The following LPIN2 variants were observed in gnomAD, a reference collection of about 807,000 sequenced individuals.
The protein encoded by LPIN2 is lipin 2.
In LPIN2, 55 loss-of-function variants were observed where a neutral mutation model predicts 111.4. The ratio of observed to expected loss-of-function variants is 0.49; its 90% confidence interval spans 0.40 to 0.62. The LOEUF (loss-of-function observed/expected upper bound fraction) is 0.62. Among genes scored for constraint, LPIN2 ranks in the 20% least tolerant of loss-of-function variants. The pLI is 0.00. For missense variants in LPIN2, 992 were observed against 1,112.1 expected (o/e 0.89, Z 1.54); for synonymous variants, 425 against 414.0 (o/e 1.03, Z -0.32).
chr18:3,003,540 A>G (rs984751500), intron 1 of LPIN2, among the ~76,000 whole-genome samples: 3 of 152,230 alleles, frequency 2.0e-5, no homozygotes, highest in Non-Finnish European at 2.9e-5. Context: ...TAATACCTTT[A>G]TAACTTCTTA....
intron 7 of LPIN2, among the ~76,000 whole-genome samples, chr18:2,937,482 T>G (rs1251029831): frequency 7.2e-6 from 1 of 139,732 alleles, no homozygotes; most frequent in Non-Finnish European, 1.5e-5. Context: ...GAGGCGGAAG[T>G]TGCAGTTAGC....
chr18:3,012,649 C>A (rs766741838), intron 1 of LPIN2, among the ~76,000 whole-genome samples: 2 of 152,172 alleles, frequency 1.3e-5, no homozygotes, highest in Non-Finnish European at 2.9e-5. Context: ...CCCGCAGGGC[C>A]GGGGGCGGGA....
intron 2 of LPIN2, among the ~76,000 whole-genome samples, chr18:2,958,553 A>ACTCTCACAGTTTTTCAGTTTTC (rs759115931): frequency 3.3e-5 from 5 of 152,114 alleles, no homozygotes; most frequent in Admixed American, 1.3e-4. Context: ...TTTCAGTTTT[A>ACTCTCACAGTTTTTCAGTTTTC]CTCTCACAGT....
chr18:2,978,306 T>G (rs760027883), intron 1 of LPIN2, among the ~76,000 whole-genome samples: 3 of 152,154 alleles, frequency 2.0e-5, no homozygotes, highest in Non-Finnish European at 4.4e-5. Flanking sequence ...AAATTTTAAC[T>G]CTATAGTAGA....
At chr18:2,927,535 G>A (rs2077152051) in intron 12 of LPIN2, among the ~76,000 whole-genome samples, 187 bp downstream of exon 12, 1 of 152,182 alleles carries the variant, frequency 6.6e-6, no homozygotes, top group South Asian at 2.1e-4. Flanking sequence ...CATCTCTAGT[G>A]CTGAGCTACA....
intron 7 of LPIN2, among the ~76,000 whole-genome samples, chr18:2,936,811 C>G (rs1458521244): frequency 6.6e-6 from 1 of 152,154 alleles, no homozygotes; most frequent in Non-Finnish European, 1.5e-5. Context: ...AAATCCTGAG[C>G]TCAAGTGATC....
intron 1 of LPIN2, among the ~76,000 whole-genome samples, chr18:2,977,398 ACTCT>A (rs1259642037): frequency 6.6e-6 from 1 of 152,038 alleles, no homozygotes; most frequent in Non-Finnish European, 1.5e-5. Context: ...AAATATCCTA[ACTCT>A]CTGTTAAGAG....
At chr18:3,003,315 T>C (rs556873325) in intron 1 of LPIN2, among the ~76,000 whole-genome samples, 1 of 152,284 alleles carries the variant, frequency 6.6e-6, no homozygotes, top group South Asian at 2.1e-4. Flanking sequence ...AATGATACAG[T>C]GAAGAAAGCA....
At chr18:2,991,108 C>T (rs2078258573) in intron 1 of LPIN2, 3 of 488,164 alleles carry the variant, frequency 6.1e-6, no homozygotes, top group Non-Finnish European at 1.2e-5. Flanking sequence ...CTCCCTATAT[C>T]AGTTTTATAT....
intron 4 of LPIN2, 130 bp from the exon 5 acceptor site, chr18:2,940,842 A>G: frequency 2.9e-6 from 2 of 685,766 alleles, no homozygotes; most frequent in South Asian, 3.1e-5. Context: ...TCTCTCTAAA[A>G]TATATGAAGG....
Position 2,925,486 on chromosome 18 carries a change from T to C in LPIN2, c.1794-118A>G. 7.4e-7 allele frequency: 1 copy of C among 1,359,676 alleles called. No homozygotes were observed. 84.2% of individuals were successfully genotyped at this position (1,359,676 alleles called of 1,614,324 possible). ...AATCTTTTCTAGGAATGGGTAGAGT[T>C]ATCCCTTCTGCCATTCTCCCATATC... On this transcript the variant is annotated intron_variant, in intron 13 of 19. Coordinates refer to ENST00000677752, the MANE Select transcript of LPIN2 (RefSeq NM_001375808.2). This position sits in a 1 kb window ranked among gnomAD's most constrained non-coding sequence, Gnocchi z 4.1.
chr18:2,975,771 A>C (rs1000166125), intron 1 of LPIN2, among the ~76,000 whole-genome samples: 2 of 152,212 alleles, frequency 1.3e-5, no homozygotes, highest in African/African-American at 4.8e-5. Context: ...AGCAACTCTA[A>C]AATAAGCCAG....
At chr18:2,966,575 G>C (rs2143254910) in intron 1 of LPIN2, among the ~76,000 whole-genome samples, 1 of 152,302 alleles carries the variant, frequency 6.6e-6, no homozygotes, top group Non-Finnish European at 1.5e-5. Context: ...CTAAGTAACA[G>C]AAATGCTCTA....
At chr18:2,998,129 C>T (rs1375475197) in intron 1 of LPIN2, among the ~76,000 whole-genome samples, 1 of 152,184 alleles carries the variant, frequency 6.6e-6, no homozygotes, top group Non-Finnish European at 1.5e-5. Context: ...TCTTCAGAAA[C>T]GTAAGGAGAG....
intron 1 of LPIN2, among the ~76,000 whole-genome samples, chr18:3,007,312 C>T (rs977385631): frequency 3.3e-5 from 5 of 152,146 alleles, no homozygotes; most frequent in Admixed American, 6.5e-5. Flanking sequence ...GCTGGGACTA[C>T]AGGTGCCCCC....
At chr18:2,952,316 C>T (rs765061863) in intron 3 of LPIN2, among the ~76,000 whole-genome samples, 6 of 152,278 alleles carry the variant, frequency 3.9e-5, no homozygotes, top group Middle Eastern at 3.4e-3. Flanking sequence ...ATCCCAGCTA[C>T]TCAGGAGGCT....
chr18:3,003,997 G>A (rs115496763), intron 1 of LPIN2, among the ~76,000 whole-genome samples: 13,101 of 152,078 alleles, frequency 0.086, 1,386 homozygotes, highest in African/African-American at 0.26. Context: ...ATTAACGGCC[G>A]CTCTGGGATT....
chr18:2,986,678 C>T (rs1457154183), intron 1 of LPIN2, among the ~76,000 whole-genome samples: 1 of 152,086 alleles, frequency 6.6e-6, no homozygotes, highest in Admixed American at 6.6e-5. Context: ...GAGCTTAGGA[C>T]CAAACAACCT....
rs1289896687 is a variant in LPIN2, at chr18:2,919,458, C to G, written c.*835G>C. On this transcript the variant is annotated 3_prime_UTR_variant, in exon 20 of 20. Transcript: ENST00000677752. ...AGGGATTCAGCGCTCTTCCCAGGACCCCACTCAACCGCCTATCTGCATTTC... is the reference window on the plus strand; with the variant it reads ...AGGGATTCAGCGCTCTTCCCAGGACGCCACTCAACCGCCTATCTGCATTTC... 1 of 152,300 alleles carries G rather than the reference C, an allele frequency of 6.6e-6. No individual in the cohort carries two copies. The highest frequency in any genetic ancestry group is 1.5e-5 in the Non-Finnish European group (1 of 68,138). 9.4% of individuals were successfully genotyped at this position (152,300 alleles called of 1,614,324 possible).
Sources: gnomAD v4.1 joint callset for allele counts (sites outside exome capture counted in the v4.1 genomes callset) on GRCh38, gnomAD v4.1.1 for gene constraint, Gnocchi (gnomAD v3.1) non-coding constraint, MANE v1.5 for transcripts, NCBI Gene and HGNC (gene_info 2026-07-23, HGNC 2026-07-21) for gene names.